ZFAND3: variants seen among roughly 807,000 people sequenced by gnomAD.
ZFAND3 encodes the protein AN1-type zinc finger protein 3.
A neutral mutation model predicts 29.6 loss-of-function variants in ZFAND3; 10 were observed. That is an observed-to-expected ratio of 0.34 (90% confidence interval 0.21 to 0.57). ZFAND3 has a LOEUF of 0.57. Ranked by LOEUF, ZFAND3 falls within the 20% of genes least tolerant of loss-of-function variation. ZFAND3 has a pLI of 0.86. For synonymous variants in ZFAND3, 128 were observed against 112.6 expected, an observed-to-expected ratio of 1.14 and a Z score of -0.87; for missense variants, 230 against 304.5, an observed-to-expected ratio of 0.76 and a Z score of 1.82.
At chr6:38,075,994 C>G (rs985491802) in intron 3 of ZFAND3, among the ~76,000 whole-genome samples, 1 of 152,036 alleles carries the variant, frequency 6.6e-6, no homozygotes, top group African/African-American at 2.4e-5. Context: ...CCTTGTGATC[C>G]GCCTCCCTCA....
intron 5 of ZFAND3, among the ~76,000 whole-genome samples, chr6:38,117,895 A>C (rs1765452556): frequency 6.6e-6 from 1 of 152,232 alleles, no homozygotes; most frequent in African/African-American, 2.4e-5. Context: ...TTAGCTTTTC[A>C]TAGAAACTAC....
chr6:37,979,453 G>A (rs1301325193), intron 2 of ZFAND3, among the ~76,000 whole-genome samples: 2 of 152,190 alleles, frequency 1.3e-5, no homozygotes, highest in African/African-American at 4.8e-5. Flanking sequence ...AAGTTACTTG[G>A]AAGCAATTTT....
intron 2 of ZFAND3, among the ~76,000 whole-genome samples, chr6:37,949,112 C>T (rs1219375288): frequency 6.6e-6 from 1 of 152,184 alleles, no homozygotes; most frequent in African/African-American, 2.4e-5. Flanking sequence ...TCTCTGCACC[C>T]TCACCAGCAT....
intron 5 of ZFAND3, among the ~76,000 whole-genome samples, chr6:38,127,694 CTT>C (rs111308066): frequency 8.4e-5 from 12 of 142,896 alleles, no homozygotes; most frequent in African/African-American, 7.7e-5. Flanking sequence ...AGTCTCATCT[CTT>C]TTTTTTTTTT....
chr6:38,106,363 T>G (rs1295889505), intron 4 of ZFAND3, among the ~76,000 whole-genome samples: 1 of 152,132 alleles, frequency 6.6e-6, no homozygotes, highest in African/African-American at 2.4e-5. Context: ...TTGGCCAGGC[T>G]GGTCTCAAAC....
At chr6:37,999,385 G>A (rs1024978805) in intron 2 of ZFAND3, among the ~76,000 whole-genome samples, 3 of 152,200 alleles carry the variant, frequency 2.0e-5, no homozygotes, top group African/African-American at 7.2e-5. Flanking sequence ...AGCAAGGGGA[G>A]CCTGACTCTC....
chr6:37,907,537 T>C (rs1765431257), intron 1 of ZFAND3, among the ~76,000 whole-genome samples: 1 of 152,222 alleles, frequency 6.6e-6, no homozygotes, highest in Non-Finnish European at 1.5e-5. Flanking sequence ...GTGGTTCATC[T>C]GTGTTGTCGC....
chr6:38,144,184 A>AATATATATATATATATATATATATAATAT (rs1766026320), intron 5 of ZFAND3, among the ~76,000 whole-genome samples: 2 of 42,556 alleles, frequency 4.7e-5, no homozygotes, highest in African/African-American at 1.0e-4. Context: ...ATATATATAT[A>AATATATATATATATATATATATATAATAT]ATATATATAT....
intron 4 of ZFAND3, among the ~76,000 whole-genome samples, chr6:38,101,329 C>T (rs773291741): frequency 5.8e-4 from 88 of 152,164 alleles, no homozygotes; most frequent in Non-Finnish European, 9.7e-4. Context: ...CCTACATCAA[C>T]ACTGACACAA....
At chr6:37,896,514 T>TTTTTCTTTCTTTCTTTC (rs1765207898) in intron 1 of ZFAND3, among the ~76,000 whole-genome samples, 1 of 109,100 alleles carries the variant, frequency 9.2e-6, no homozygotes, top group South Asian at 3.3e-4. Flanking sequence ...TTCCTCTTTC[T>TTTTTCTTTCTTTCTTTC]TTTCTTTCTT....
intron 2 of ZFAND3, among the ~76,000 whole-genome samples, chr6:37,931,228 T>G (rs1761589070): frequency 1.3e-5 from 2 of 152,146 alleles, no homozygotes. Context: ...TGTAAGCCCT[T>G]TTTAGTAAAT....
At chr6:37,854,964 GTT>G (rs34283914) in intron 1 of ZFAND3, among the ~76,000 whole-genome samples, 14 of 78,982 alleles carry the variant, frequency 1.8e-4, no homozygotes, top group African/African-American at 5.4e-4. Flanking sequence ...AATAATAGGT[GTT>G]TTTTTTTTTT....
chr6:37,839,522 G>T (rs1384181163), intron 1 of ZFAND3, among the ~76,000 whole-genome samples: 5 of 133,072 alleles, frequency 3.8e-5, no homozygotes, highest in East Asian at 2.3e-4. Context: ...TTGTTGTTTT[G>T]TTTTTTTTTT....
At chr6:38,035,237 T>C (rs1247617658) in intron 2 of ZFAND3, among the ~76,000 whole-genome samples, 1 of 152,186 alleles carries the variant, frequency 6.6e-6, no homozygotes, top group African/African-American at 2.4e-5. Flanking sequence ...TAAGAAAATA[T>C]CTTCACATGT....
intron 2 of ZFAND3, among the ~76,000 whole-genome samples, chr6:38,039,755 G>A (rs1342253107): frequency 6.6e-6 from 1 of 152,098 alleles, no homozygotes; most frequent in Non-Finnish European, 1.5e-5. Context: ...AAGCACTAGG[G>A]AGGAGAACCG....
intron 4 of ZFAND3, among the ~76,000 whole-genome samples, chr6:38,106,211 G>C (rs1042806797): frequency 6.6e-6 from 1 of 151,906 alleles, no homozygotes; most frequent in African/African-American, 2.4e-5. Context: ...GAGTGCAATG[G>C]TGCAATCTCG....
intron 2 of ZFAND3, among the ~76,000 whole-genome samples, chr6:38,035,057 G>C (rs1746153779): frequency 6.6e-6 from 1 of 151,520 alleles, no homozygotes; most frequent in Non-Finnish European, 1.5e-5. Context: ...TTGATTTCCT[G>C]TTGAGCTTTC....
At chr6:38,065,523 A>G (rs1427172468) in intron 3 of ZFAND3, among the ~76,000 whole-genome samples, 1 of 152,212 alleles carries the variant, frequency 6.6e-6, no homozygotes, top group South Asian at 2.1e-4. Flanking sequence ...TATATTCTAG[A>G]CATTCTTCAA....
chr6:38,109,779 G>A (rs918622341), intron 4 of ZFAND3, among the ~76,000 whole-genome samples: 3 of 152,000 alleles, frequency 2.0e-5, no homozygotes, highest in Non-Finnish European at 4.4e-5. Flanking sequence ...TGTGTTCTGC[G>A]GCTCTTTAAA....
Sources: gnomAD v4.1 joint callset for allele counts (sites outside exome capture counted in the v4.1 genomes callset) on GRCh38, gnomAD v4.1.1 for gene constraint, MANE v1.5 for transcripts, NCBI Gene and HGNC (gene_info 2026-07-23, HGNC 2026-07-21) for gene names.